The following VSIG1 variants were observed in gnomAD, a reference collection of about 807,000 sequenced individuals.
VSIG1 encodes V-set and immunoglobulin domain containing 1.
In VSIG1, 11 loss-of-function variants were observed where a neutral mutation model predicts 20.1. The ratio of observed to expected loss-of-function variants is 0.55; its 90% CI spans 0.34 to 0.91. The LOEUF (loss-of-function observed/expected upper bound fraction) is 0.91, where lower values mean the gene tolerates loss of function less well. VSIG1 is among the 40% of genes least tolerant of loss of function. The probability of loss-of-function intolerance (pLI) is 0.02; values close to 1 mark genes in which losing one functional copy is unlikely to be tolerated. For synonymous variants in VSIG1, 126 were observed against 116.7 expected, an observed-to-expected ratio of 1.08 and a Z score of -0.52; for missense variants, 283 against 298.8, an observed-to-expected ratio of 0.95 and a Z score of 0.39.
intron 1 of VSIG1, among the ~76,000 whole-genome samples, chrX:108,047,843 T>TATAC (rs1555980280): frequency 3.0e-5 from 1 of 33,888 alleles, no homozygotes; most frequent in African/African-American, 1.4e-4. Flanking sequence ...CATATATATA[T>TATAC]ACATATATAT....
chrX:108,064,989 G>A (rs752803717), intron 2 of VSIG1, among the ~76,000 whole-genome samples: 1 of 111,720 alleles, frequency 9.0e-6, no homozygotes, highest in South Asian at 3.8e-4. Flanking sequence ...CCATTCTGGG[G>A]CAAGAGTTTG....
the VSIG1 span, among the ~76,000 whole-genome samples, chrX:108,024,785 A>G: frequency 9.0e-6 from 1 of 111,466 alleles, no homozygotes; most frequent in Admixed American, 9.6e-5. Context: ...CTAATTTCTA[A>G]TTTAATTCCA....
Position 108,058,210 on chromosome X carries a change from A to T in VSIG1, c.213+9A>T, listed in dbSNP as rs764660076. 1.6e-5 allele frequency: 19 copies of T among 1,198,765 alleles called. No individual in the cohort carries two copies. Among genetic ancestry groups the T allele is most frequent in the Non-Finnish European group, 2.1e-5 (19 of 889,254 alleles). ...AGATGGAGCCAATTTCTGTAAGGAC[A>T]CTTTTTCCTAAACTCTTCCCCTTTT... On this transcript the variant is annotated intron_variant, in intron 2 of 6. Coordinates refer to ENST00000217957, the MANE Select transcript of VSIG1 (RefSeq NM_182607.5).
chrX:108,047,764 T>TC (rs2030612101), intron 1 of VSIG1, among the ~76,000 whole-genome samples: 1 of 61,245 alleles, frequency 1.6e-5, no homozygotes, highest in East Asian at 5.2e-4. Context: ...ATACAAGACA[T>TC]TCTCTCTCTC....
chrX:108,044,122 T>C (rs751860055), upstream of VSIG1, among the ~76,000 whole-genome samples: 4 of 111,443 alleles, frequency 3.6e-5, no homozygotes, highest in South Asian at 1.1e-3. Context: ...GGAAGCTGAG[T>C]ACCTGGACCA....
At chrX:108,022,303 G>T in the VSIG1 span, among the ~76,000 whole-genome samples, 1 of 111,534 alleles carries the variant, frequency 9.0e-6, no homozygotes, top group African/African-American at 3.3e-5. Flanking sequence ...TATTCTTTTT[G>T]ATGCTACCGT....
Position 108,078,808 on chromosome X carries a change from T to C in VSIG1, c.*1427T>C, listed in dbSNP as rs1224634196. 8.9e-6 allele frequency: 1 copy of C among 112,391 alleles called. No individual in the cohort carries two copies. The highest frequency in any genetic ancestry group is 2.8e-4 in the East Asian group (1 of 3,597). The allele number at this position is 112,391 out of a possible 1,213,427, so 9.3% of individuals were successfully genotyped here. On this transcript the variant is annotated 3_prime_UTR_variant, in exon 7 of 7. Transcript: ENST00000217957. ...TGAAAGGCAGTCCAGAAAAGTGTTC[T>C]AAGTGAACTCTTAAGATCTATTTTA...
At chrX:108,067,375 C>G (rs699667) in intron 3 of VSIG1, among the ~76,000 whole-genome samples, 30 of 111,149 alleles carry the variant, frequency 2.7e-4, no homozygotes, top group Non-Finnish European at 4.5e-4. Context: ...CAGTAGATGA[C>G]CCAACCTCCA....
At chrX:108,026,779 C>T in the VSIG1 span, among the ~76,000 whole-genome samples, 1 of 111,285 alleles carries the variant, frequency 9.0e-6, no homozygotes, top group Non-Finnish European at 1.9e-5. Flanking sequence ...AGAGGAGTTT[C>T]AAGAAGATCA....
chrX:108,041,644 T>C (rs1203682421), upstream of VSIG1, among the ~76,000 whole-genome samples: 2 of 108,366 alleles, frequency 1.8e-5, no homozygotes, highest in Non-Finnish European at 3.8e-5. Context: ...TCCTGTTCCA[T>C]GTGAGCCTGG....
chrX:108,033,040 G>C, the VSIG1 span, among the ~76,000 whole-genome samples: 1 of 111,716 alleles, frequency 9.0e-6, no homozygotes, highest in African/African-American at 3.3e-5. Context: ...ACCAGGCACT[G>C]TTTGCCTTGG....
the VSIG1 span, among the ~76,000 whole-genome samples, chrX:108,034,850 A>G: frequency 8.9e-6 from 1 of 111,811 alleles, no homozygotes; most frequent in Non-Finnish European, 1.9e-5. Flanking sequence ...TAGAGTCCAT[A>G]TTCTTTGTCA....
At chrX:108,054,996 T>C (rs2147922480) in intron 1 of VSIG1, among the ~76,000 whole-genome samples, 1 of 107,315 alleles carries the variant, frequency 9.3e-6, no homozygotes, top group South Asian at 4.0e-4. Context: ...AGAAAAACTA[T>C]AGGGAAAAAT....
intron 1 of VSIG1, among the ~76,000 whole-genome samples, chrX:108,047,811 T>TATATATATACATATATATAC (rs1569287032): frequency 3.6e-4 from 23 of 64,090 alleles, no homozygotes; most frequent in South Asian, 6.8e-4. Context: ...TATATATACA[T>TATATATATACATATATATAC]ATATATATAC....
chrX:108,047,973 T>TATATACACAC (rs2030688820), intron 1 of VSIG1, among the ~76,000 whole-genome samples: 3 of 59,667 alleles, frequency 5.0e-5, no homozygotes, highest in Non-Finnish European at 8.8e-5. Context: ...TATATATATA[T>TATATACACAC]ATATATATAT....
chrX:108,069,874 G>A (rs1392608364), intron 3 of VSIG1, among the ~76,000 whole-genome samples: 1 of 111,692 alleles, frequency 9.0e-6, no homozygotes, highest in Non-Finnish European at 1.9e-5. Context: ...GCTGTATCAG[G>A]AATTGGAGAA....
chrX:108,069,311 G>A (rs371614463), intron 3 of VSIG1, among the ~76,000 whole-genome samples: 1 of 111,559 alleles, frequency 9.0e-6, no homozygotes, highest in African/African-American at 3.3e-5. Flanking sequence ...CAAGGTAAGA[G>A]GCAGAAGGGT....
At chrX:108,072,314 G>A (rs762203634) in intron 3 of VSIG1, among the ~76,000 whole-genome samples, 2 of 111,168 alleles carry the variant, frequency 1.8e-5, no homozygotes, top group South Asian at 7.6e-4. Flanking sequence ...GTGCAGTGGC[G>A]TGATCTTGGC....
chrX:108,048,782 C>T (rs900259792), intron 1 of VSIG1, among the ~76,000 whole-genome samples: 7 of 112,198 alleles, frequency 6.2e-5, no homozygotes, highest in South Asian at 7.4e-4. Flanking sequence ...AAGTCAGTTC[C>T]TCAGTTTCAC....
Sources: allele counts gnomAD v4.1 joint callset (sites outside exome capture counted in the v4.1 genomes callset), GRCh38; gene constraint gnomAD v4.1.1; transcripts MANE v1.5; gene names NCBI Gene and HGNC (gene_info 2026-07-23, HGNC 2026-07-21).